The following VPS13B variants were observed in gnomAD, a reference collection of about 807,000 sequenced individuals.
VPS13B encodes the protein vacuolar protein sorting 13 homolog B.
In VPS13B, 285 loss-of-function variants were observed where a neutral mutation model predicts 426.4. The observed-to-expected ratio is 0.67, with a 90% CI of 0.61 to 0.74. VPS13B has a LOEUF of 0.74. VPS13B is among the 30% of genes least tolerant of loss of function. The probability of loss-of-function intolerance (pLI) is 0.00; values close to 1 mark genes in which losing one functional copy is unlikely to be tolerated. For missense variants in VPS13B, 4,537 were observed against 4,782.6 expected, an observed-to-expected ratio of 0.95 and a Z score of 1.51; for synonymous variants, 1,676 against 1,676.4, an observed-to-expected ratio of 1.00 and a Z score of 0.01.
At chr8:99,085,808 G>T (rs945230001) in intron 3 of VPS13B, among the ~76,000 whole-genome samples, 1 of 152,156 alleles carries the variant, frequency 6.6e-6, no homozygotes, top group African/African-American at 2.4e-5. Flanking sequence ...GATTTCTGCC[G>T]AGAGATCAGC....
At chr8:99,667,760 A>T (rs2129843533) in intron 35 of VPS13B, among the ~76,000 whole-genome samples, 1 of 152,312 alleles carries the variant, frequency 6.6e-6, no homozygotes, top group Admixed American at 6.5e-5. Flanking sequence ...AGATAGTGAG[A>T]CTTGCATACC....
At chr8:99,647,335 G>A (rs558161483) in intron 34 of VPS13B, among the ~76,000 whole-genome samples, 60 of 152,242 alleles carry the variant, frequency 3.9e-4, no homozygotes, top group African/African-American at 1.3e-3. Context: ...GCCGAGGTGG[G>A]CAGATCATCT....
chr8:99,586,790 A>G (rs1276649627), intron 33 of VPS13B, among the ~76,000 whole-genome samples: 2 of 152,178 alleles, frequency 1.3e-5, no homozygotes, highest in African/African-American at 4.8e-5. Flanking sequence ...TGCTATTCCC[A>G]TTAAACTACC....
chr8:99,348,330 A>G (rs1811661890), intron 19 of VPS13B: 1 of 152,218 alleles, frequency 6.6e-6, no homozygotes, highest in Non-Finnish European at 1.5e-5. Flanking sequence ...ATTTCGTACA[A>G]AAATCAATTT....
intron 19 of VPS13B, among the ~76,000 whole-genome samples, chr8:99,291,021 A>C (rs1239520400): frequency 1.3e-5 from 2 of 152,134 alleles, no homozygotes; most frequent in Non-Finnish European, 2.9e-5. Context: ...TTTATGCTTT[A>C]GAAACTAGCA....
At chr8:99,074,317 T>C (rs1225589519) in intron 3 of VPS13B, among the ~76,000 whole-genome samples, 1 of 152,168 alleles carries the variant, frequency 6.6e-6, no homozygotes, top group Non-Finnish European at 1.5e-5. Context: ...GATGATCATA[T>C]GGTTTTTGTC....
chr8:99,072,375 T>C (rs1171669934), intron 3 of VPS13B, among the ~76,000 whole-genome samples: 2 of 152,194 alleles, frequency 1.3e-5, no homozygotes, highest in Admixed American at 6.5e-5. Context: ...CAATGTTATC[T>C]GGCAGCTAGG....
At chr8:99,261,374 C>G (rs546257212) in intron 17 of VPS13B, among the ~76,000 whole-genome samples, 1 of 152,232 alleles carries the variant, frequency 6.6e-6, no homozygotes, top group East Asian at 1.9e-4. Context: ...TTCACATTCT[C>G]TTAGTAATGT....
At chr8:99,322,853 G>C (rs766939840) in intron 19 of VPS13B, among the ~76,000 whole-genome samples, 1 of 152,218 alleles carries the variant, frequency 6.6e-6, no homozygotes, top group Non-Finnish European at 1.5e-5. Context: ...TCTTAAACAC[G>C]ATTGTCTTAC....
chr8:99,712,783 T>C (rs1832756858), intron 36 of VPS13B, among the ~76,000 whole-genome samples: 1 of 152,010 alleles, frequency 6.6e-6, no homozygotes, highest in Non-Finnish European at 1.5e-5. Flanking sequence ...AAAATAGGAT[T>C]TGTGTAATAG....
chr8:99,639,388 A>G (rs1043433887), intron 33 of VPS13B, among the ~76,000 whole-genome samples: 2 of 152,156 alleles, frequency 1.3e-5, no homozygotes, highest in Non-Finnish European at 2.9e-5. Context: ...GGCTACAGCA[A>G]GCTCAGAGGG....
intron 19 of VPS13B, among the ~76,000 whole-genome samples, chr8:99,371,727 T>C (rs1407307520): frequency 2.6e-5 from 4 of 152,220 alleles, no homozygotes; most frequent in African/African-American, 9.6e-5. Flanking sequence ...TCCATTTGTT[T>C]GTGTCCTCTC....
At chr8:99,330,681 G>A (rs142994162) in intron 19 of VPS13B, among the ~76,000 whole-genome samples, 1 of 151,914 alleles carries the variant, frequency 6.6e-6, no homozygotes, top group African/African-American at 2.4e-5. Flanking sequence ...GGGTTGAAAA[G>A]TGGAGGATTA....
chr8:99,591,617 G>C (rs1015122002), intron 33 of VPS13B, among the ~76,000 whole-genome samples: 1 of 152,052 alleles, frequency 6.6e-6, no homozygotes, highest in East Asian at 1.9e-4. Context: ...ATGAAGCTTA[G>C]TTTGGCTGGA....
chr8:99,212,940 A>C (rs1012610036), intron 17 of VPS13B, among the ~76,000 whole-genome samples: 4 of 152,162 alleles, frequency 2.6e-5, no homozygotes, highest in Non-Finnish European at 5.9e-5. Flanking sequence ...ATATACCCCC[A>C]AAATCTTATT....
intron 33 of VPS13B, among the ~76,000 whole-genome samples, chr8:99,616,463 G>A (rs1165533506): frequency 6.6e-6 from 1 of 152,192 alleles, no homozygotes; most frequent in Non-Finnish European, 1.5e-5. Flanking sequence ...GGTGAACTTT[G>A]AAAGATAAAT....
intron 61 of VPS13B, chr8:99,873,280 G>A (rs2130982607): frequency 6.6e-6 from 1 of 152,286 alleles, no homozygotes; most frequent in African/African-American, 2.4e-5. Context: ...AGGTACTGTG[G>A]AGAATCATCA....
chr8:99,579,717 T>C (rs113983547), intron 33 of VPS13B, among the ~76,000 whole-genome samples: 5,734 of 130,162 alleles, frequency 0.044, 124 homozygotes, highest in South Asian at 0.062. Flanking sequence ...TTCTTTCTTT[T>C]TTTTTTAACA....
At chr8:99,528,918 T>G (rs1043989886) in intron 30 of VPS13B, among the ~76,000 whole-genome samples, 112 of 152,236 alleles carry the variant, frequency 7.4e-4, no homozygotes, top group African/African-American at 2.6e-3. Flanking sequence ...AAATTCTGTT[T>G]ATATCCTGTT....
Sources: gnomAD v4.1 joint callset for allele counts (sites outside exome capture counted in the v4.1 genomes callset) on GRCh38, gnomAD v4.1.1 for gene constraint, MANE v1.5 for transcripts, NCBI Gene and HGNC (gene_info 2026-07-23, HGNC 2026-07-21) for gene names.